The following PTCHD4 variants were observed in gnomAD, a reference collection of about 807,000 sequenced individuals.
PTCHD4 encodes patched domain-containing protein 4.
Under a neutral mutation model 58.1 loss-of-function variants are expected in PTCHD4, and 33 were observed. The observed-to-expected ratio is 0.57, with a 90% CI of 0.43 to 0.76. PTCHD4 has a LOEUF of 0.76. PTCHD4 is among the 30% of genes least tolerant of loss of function. The pLI, the probability that PTCHD4 is intolerant of heterozygous loss-of-function variation, is 0.00. For missense variants in PTCHD4, 1,058 were observed against 1,027.1 expected, an observed-to-expected ratio of 1.03 and a Z score of -0.41; for synonymous variants, 478 against 409.6, an observed-to-expected ratio of 1.17 and a Z score of -2.02.
At chr6:47,996,830 G>C (rs1768506792) in intron 4 of PTCHD4, among the ~76,000 whole-genome samples, 1 of 152,156 alleles carries the variant, frequency 6.6e-6, no homozygotes, top group African/African-American at 2.4e-5. Context: ...CAATGGCTTT[G>C]TTTAAAAGCC....
intron 4 of PTCHD4, among the ~76,000 whole-genome samples, chr6:47,880,305 A>G (rs1763982728): frequency 1.3e-5 from 2 of 152,188 alleles, no homozygotes; most frequent in South Asian, 2.1e-4. Context: ...CCTTCAAATG[A>G]CCCTTAACAT....
chr6:47,974,050 G>A (rs1767606652), intron 4 of PTCHD4, among the ~76,000 whole-genome samples: 1 of 152,116 alleles, frequency 6.6e-6, no homozygotes, highest in South Asian at 2.1e-4. Context: ...ACAATTAATT[G>A]GGCCCTTTAT....
At chr6:47,882,690 G>A (rs966783085) in intron 4 of PTCHD4, among the ~76,000 whole-genome samples, 1 of 126,472 alleles carries the variant, frequency 7.9e-6, no homozygotes, top group African/African-American at 2.8e-5. Context: ...GTCTGTTAAG[G>A]GTCAGTTAAA....
chr6:48,104,085 C>T (rs552902617), intron 1 of PTCHD4, among the ~76,000 whole-genome samples: 7 of 152,226 alleles, frequency 4.6e-5, no homozygotes, highest in Non-Finnish European at 7.4e-5. Context: ...CATTCAAATT[C>T]GGGAAATACA....
At chr6:48,038,204 G>A (rs1562020574) in intron 3 of PTCHD4, among the ~76,000 whole-genome samples, 1 of 151,964 alleles carries the variant, frequency 6.6e-6, no homozygotes, top group Non-Finnish European at 1.5e-5. Context: ...CGTGTCTCCT[G>A]ACCGGGGTTA....
intron 4 of PTCHD4, among the ~76,000 whole-genome samples, chr6:47,946,669 C>T (rs554563086): frequency 2.6e-5 from 4 of 152,026 alleles, no homozygotes; most frequent in African/African-American, 7.2e-5. Flanking sequence ...GAATTTACAT[C>T]GATTGTGATT....
At chr6:48,057,170 G>A (rs1042057547) in intron 3 of PTCHD4, among the ~76,000 whole-genome samples, 5 of 146,386 alleles carry the variant, frequency 3.4e-5, no homozygotes, top group East Asian at 4.0e-4. Flanking sequence ...TTCTGGCGGC[G>A]GTTTTTTTTG....
chr6:48,001,671 G>C (rs1768727269), intron 4 of PTCHD4, among the ~76,000 whole-genome samples: 1 of 152,076 alleles, frequency 6.6e-6, no homozygotes, highest in African/African-American at 2.4e-5. Context: ...AGAAAACCTA[G>C]GCAATACCAT....
chr6:48,063,076 A>T (rs536229275), intron 3 of PTCHD4, among the ~76,000 whole-genome samples: 30 of 150,660 alleles, frequency 2.0e-4, no homozygotes, highest in South Asian at 1.3e-3. Context: ...TATCCCATAA[A>T]TTTTTTTTTT....
chr6:48,022,165 C>T (rs1216090683), intron 3 of PTCHD4, among the ~76,000 whole-genome samples: 1 of 151,560 alleles, frequency 6.6e-6, no homozygotes, highest in African/African-American at 2.4e-5. Flanking sequence ...TGTTCTATCT[C>T]CTTTCTCCCT....
intron 3 of PTCHD4, among the ~76,000 whole-genome samples, chr6:48,065,823 T>C (rs1371486079): frequency 2.6e-5 from 4 of 152,228 alleles, no homozygotes; most frequent in Non-Finnish European, 2.9e-5. Context: ...TGAGGAAACA[T>C]TGATAGATAC....
chr6:48,053,688 G>A lies in PTCHD4; in HGVS notation c.417+14542C>T, dbSNP rs374852899. Among the ~76,000 whole-genome samples, 131 of 152,042 alleles carry A rather than the reference G, an allele frequency of 8.6e-4. 1 individual carries two copies. Among genetic ancestry groups the A allele is most frequent in the African/African-American group, 3.0e-3 (125 of 41,454 alleles). ...CTAGTGTGCCTTTTAAAGTGTCTCC[G>A]GACATATTTTCCCAATGATAAGCAA... On this transcript the variant is annotated intron_variant, in intron 3 of 4. Coordinates refer to ENST00000339488, the MANE Select transcript of PTCHD4 (RefSeq NM_001384253.1).
chr6:48,105,113 C>A (rs904556689), intron 1 of PTCHD4, among the ~76,000 whole-genome samples: 3 of 152,144 alleles, frequency 2.0e-5, no homozygotes, highest in African/African-American at 7.2e-5. Context: ...TAATAGACAT[C>A]TACAGAACTC....
At chr6:47,956,594 C>T (rs565602423) in intron 4 of PTCHD4, among the ~76,000 whole-genome samples, 132 of 151,978 alleles carry the variant, frequency 8.7e-4, no homozygotes, top group African/African-American at 3.0e-3. Context: ...CCACCACGCC[C>T]GGCTAATTTT....
At chr6:47,898,941 T>C (rs1478923127) in intron 4 of PTCHD4, among the ~76,000 whole-genome samples, 1 of 152,198 alleles carries the variant, frequency 6.6e-6, no homozygotes, top group Non-Finnish European at 1.5e-5. Context: ...AGAGGGGTCA[T>C]GCTCTCCCTG....
At chr6:48,066,151 C>T (rs1764788338) in intron 3 of PTCHD4, among the ~76,000 whole-genome samples, 1 of 151,210 alleles carries the variant, frequency 6.6e-6, no homozygotes, top group African/African-American at 2.4e-5. Context: ...ACTACTACTG[C>T]TAAGCCTCAC....
intron 4 of PTCHD4, among the ~76,000 whole-genome samples, chr6:47,929,251 T>C (rs1024425488): frequency 2.6e-5 from 4 of 152,200 alleles, no homozygotes; most frequent in East Asian, 1.9e-4. Context: ...AAACGTTCAT[T>C]TGAACTAAAG....
intron 3 of PTCHD4, among the ~76,000 whole-genome samples, chr6:48,026,512 A>G (rs2114122444): frequency 6.6e-6 from 1 of 151,492 alleles, no homozygotes; most frequent in African/African-American, 2.4e-5. Flanking sequence ...TCCTCTTACC[A>G]CCTTCTTCTA....
chr6:47,957,972 A>G (rs1238604216), intron 4 of PTCHD4, among the ~76,000 whole-genome samples: 1 of 152,158 alleles, frequency 6.6e-6, no homozygotes, highest in Non-Finnish European at 1.5e-5. Context: ...AGGTGAAAGA[A>G]AATCAATTCC....
Sources: allele counts gnomAD v4.1 joint callset (sites outside exome capture counted in the v4.1 genomes callset), GRCh38; gene constraint gnomAD v4.1.1; transcripts MANE v1.5; gene names NCBI Gene and HGNC (gene_info 2026-07-23, HGNC 2026-07-21).